The following PHF24 variants were observed in gnomAD, a reference collection of about 807,000 sequenced individuals.
The protein encoded by PHF24 is PHD finger protein 24, also known as Galpha inhibitory interacting protein.
A neutral mutation model predicts 42.6 loss-of-function variants in PHF24; 25 were observed. The observed-to-expected ratio is 0.59, with a 90% CI of 0.43 to 0.82. PHF24 has a LOEUF of 0.82. Among genes scored for constraint, PHF24 ranks in the 40% least tolerant of loss-of-function variants. The probability of loss-of-function intolerance (pLI) is 0.00; values close to 1 mark genes in which losing one functional copy is unlikely to be tolerated. For synonymous variants in PHF24, 185 were observed against 204.8 expected (o/e 0.90, Z 0.83); for missense variants, 470 against 538.1 (o/e 0.87, Z 1.25).
chr9:34,693,487 A>C, the PHF24 span, among the ~76,000 whole-genome samples: 38 of 152,184 alleles, frequency 2.5e-4, no homozygotes, highest in Non-Finnish European at 4.3e-4. Context: ...GCTTGTTAGA[A>C]ACACGAATTC....
chr9:34,960,762 T>TA (rs1389788833), intron 1 of PHF24, among the ~76,000 whole-genome samples: 1 of 152,098 alleles, frequency 6.6e-6, no homozygotes, highest in Non-Finnish European at 1.5e-5. Flanking sequence ...CAGCATTGGG[T>TA]AAAATTAAGA....
chr9:34,884,878 T>C, the PHF24 span, among the ~76,000 whole-genome samples: 1 of 152,172 alleles, frequency 6.6e-6, no homozygotes, highest in East Asian at 1.9e-4. Context: ...GGTACAAAAG[T>C]CGAGCAATCA....
the PHF24 span, among the ~76,000 whole-genome samples, chr9:34,910,103 CATA>C: frequency 6.6e-6 from 1 of 152,300 alleles, no homozygotes; most frequent in African/African-American, 2.4e-5. Context: ...TTCAACCAGC[CATA>C]ATAACTCTCT....
At chr9:34,810,139 C>G in the PHF24 span, among the ~76,000 whole-genome samples, 3 of 151,990 alleles carry the variant, frequency 2.0e-5, no homozygotes, top group Non-Finnish European at 4.4e-5. Context: ...GTATAGAGTC[C>G]GCCGGCCCCG....
the PHF24 span, among the ~76,000 whole-genome samples, chr9:34,853,415 A>G: frequency 6.6e-6 from 1 of 152,256 alleles, no homozygotes; most frequent in Middle Eastern, 3.4e-3. Flanking sequence ...ATATTGGCCT[A>G]AAGTTTTCTT....
chr9:34,808,009 T>A, the PHF24 span, among the ~76,000 whole-genome samples: 1,124 of 152,320 alleles, frequency 7.4e-3, 18 homozygotes, highest in African/African-American at 0.026. Context: ...TTTAATCAAA[T>A]TGTTTACACA....
At chr9:34,849,669 G>A in the PHF24 span, among the ~76,000 whole-genome samples, 17 of 152,192 alleles carry the variant, frequency 1.1e-4, no homozygotes, top group African/African-American at 3.6e-4. Flanking sequence ...TATTTTGCTC[G>A]TTAGTTGATG....
chr9:34,928,022 C>T, the PHF24 span, among the ~76,000 whole-genome samples: 1 of 152,020 alleles, frequency 6.6e-6, no homozygotes, highest in Non-Finnish European at 1.5e-5. Context: ...TTTGGACCTG[C>T]CTGGCCAACA....
the PHF24 span, among the ~76,000 whole-genome samples, chr9:34,840,046 T>C: frequency 6.6e-6 from 1 of 152,172 alleles, no homozygotes; most frequent in Non-Finnish European, 1.5e-5. Context: ...AGTCTATCTT[T>C]AGCAGAGGTG....
the PHF24 span, chr9:34,729,441 T>A: frequency 1.3e-6 from 2 of 1,543,130 alleles, no homozygotes; most frequent in East Asian, 4.9e-5. Context: ...CTAAACTTCA[T>A]TAGCATGAGA....
chr9:34,708,021 C>T, the PHF24 span, among the ~76,000 whole-genome samples: 7 of 152,148 alleles, frequency 4.6e-5, no homozygotes, highest in Non-Finnish European at 8.8e-5. Context: ...TGAGCCACCG[C>T]GCCCGGCCTT....
the PHF24 span, among the ~76,000 whole-genome samples, chr9:34,750,632 T>A: frequency 3.9e-5 from 6 of 152,070 alleles, no homozygotes; most frequent in African/African-American, 4.8e-5. Flanking sequence ...TTATAATCAG[T>A]TTAAAATAAT....
chr9:34,844,731 G>C, the PHF24 span, among the ~76,000 whole-genome samples: 2 of 152,074 alleles, frequency 1.3e-5, no homozygotes, highest in Admixed American at 6.5e-5. Flanking sequence ...TTTGTTATTT[G>C]TGGCCTAACA....
chr9:34,690,098 A>C, the PHF24 span: 1 of 1,588,464 alleles, frequency 6.3e-7, no homozygotes, highest in Non-Finnish European at 8.6e-7. Context: ...AACCTGTTTC[A>C]GGGATTTCCT....
the PHF24 span, among the ~76,000 whole-genome samples, chr9:34,767,002 G>C: frequency 1.7e-3 from 265 of 152,312 alleles, 1 homozygote; most frequent in African/African-American, 6.0e-3. Context: ...AGCAGTGGTG[G>C]CTGCAGATCA....
At chr9:34,814,969 G>T in the PHF24 span, among the ~76,000 whole-genome samples, 1 of 152,140 alleles carries the variant, frequency 6.6e-6, no homozygotes, top group Non-Finnish European at 1.5e-5. Context: ...TCGAACTCCC[G>T]ACCTCAGGTG....
chr9:34,859,154 G>A, the PHF24 span, among the ~76,000 whole-genome samples: 2 of 151,930 alleles, frequency 1.3e-5, no homozygotes, highest in Non-Finnish European at 2.9e-5. Flanking sequence ...TACTGCTTGG[G>A]GCCTTTTACA....
chr9:34,949,866 G>T, the PHF24 span, among the ~76,000 whole-genome samples: 1 of 151,926 alleles, frequency 6.6e-6, no homozygotes, highest in African/African-American at 2.4e-5. Context: ...GGGGAAAGGG[G>T]TGGGAGAGCA....
At chr9:34,725,186 C>A in the PHF24 span, 2 of 1,527,758 alleles carry the variant, frequency 1.3e-6, no homozygotes, top group Admixed American at 2.0e-5. Context: ...GTGGATTTGT[C>A]CACATTTGGA....
Sources: allele counts gnomAD v4.1 joint callset (sites outside exome capture counted in the v4.1 genomes callset), GRCh38; gene constraint gnomAD v4.1.1; transcripts MANE v1.5; gene names NCBI Gene and HGNC (gene_info 2026-07-23, HGNC 2026-07-21).